The following KIF26A variants were observed in gnomAD, a reference collection of about 807,000 sequenced individuals.
KIF26A encodes the protein kinesin-like protein KIF26A.
A neutral mutation model predicts 126.0 loss-of-function variants in KIF26A; 74 were observed. That is an observed-to-expected ratio of 0.59 (90% confidence interval 0.49 to 0.71). The LOEUF (loss-of-function observed/expected upper bound fraction) is 0.71. Among genes scored for constraint, KIF26A ranks in the 30% least tolerant of loss-of-function variants. The pLI is 0.00. For missense variants in KIF26A, 2,984 were observed against 2,763.3 expected (o/e 1.08, Z -1.79); for synonymous variants, 1,445 against 1,232.7 (o/e 1.17, Z -3.61).
intron 5 of KIF26A, 122 bp from the exon 6 acceptor site, chr14:104,171,601 G>T: frequency 1.3e-6 from 1 of 775,486 alleles, no homozygotes; most frequent in Non-Finnish European, 2.1e-6. Context: ...ACATTCCTGC[G>T]GTGGGGGTGC....
intron 4 of KIF26A, among the ~76,000 whole-genome samples, chr14:104,164,642 G>A (rs1216535089): frequency 6.6e-6 from 1 of 152,164 alleles, no homozygotes. Flanking sequence ...GCTCAGAGGC[G>A]CGGCGGGCCT....
chr14:104,145,531 G>A (rs1055148466), intron 2 of KIF26A, among the ~76,000 whole-genome samples: 1 of 152,224 alleles, frequency 6.6e-6, no homozygotes, highest in African/African-American at 2.4e-5. Context: ...CATTGGACCT[G>A]GGATGGTCGT....
At chr14:104,167,602 G>A in intron 5 of KIF26A, among the ~76,000 whole-genome samples, 1 of 152,190 alleles carries the variant, frequency 6.6e-6, no homozygotes. Context: ...TCTGAGCCTG[G>A]GGCCTGTGGC....
At chr14:104,165,926 C>T (rs921208647) in intron 4 of KIF26A, among the ~76,000 whole-genome samples, 1 of 152,054 alleles carries the variant, frequency 6.6e-6, no homozygotes, top group African/African-American at 2.4e-5. Flanking sequence ...ATGCACTGGC[C>T]TCCCCTGGAG....
rs913545437 is a variant in KIF26A at position 104,151,691 on chromosome 14, C to T, written c.289-324C>T. 3.9e-5 allele frequency among the ~76,000 whole-genome samples: 6 copies of T among 152,236 alleles called. No individual in the cohort carries two copies. Among genetic ancestry groups the T allele is most frequent in the African/African-American group, 1.4e-4 (6 of 41,464 alleles). On this transcript the variant is annotated intron_variant, in intron 2 of 14. Transcript: ENST00000423312. This position sits in a 1 kb window ranked among gnomAD's most constrained non-coding sequence, Gnocchi z 4.9. ...TTCTTGCCAGTCTCCTGCGTGTCCC[C>T]GGCCAGGCGGCCTTAGCTGACAGTG...
At chr14:104,140,888 C>T (rs977666814) in intron 2 of KIF26A, among the ~76,000 whole-genome samples, 2 of 152,188 alleles carry the variant, frequency 1.3e-5, no homozygotes, top group Non-Finnish European at 2.9e-5. Context: ...GGGCTTTGTT[C>T]TGCTCTGGGC....
At chr14:104,153,991 A>G (rs1000386445) in intron 3 of KIF26A, among the ~76,000 whole-genome samples, 12 of 152,326 alleles carry the variant, frequency 7.9e-5, no homozygotes, top group Middle Eastern at 3.4e-3. Flanking sequence ...GAATGGATTT[A>G]TAATTAGACA....
intron 2 of KIF26A, among the ~76,000 whole-genome samples, chr14:104,150,118 C>T (rs56685852): frequency 0.077 from 11,098 of 143,852 alleles, 541 homozygotes; most frequent in East Asian, 0.1. Flanking sequence ...GGCCCTCCCC[C>T]TCCTGGTCCC....
intron 5 of KIF26A, 25 bp from the exon 6 acceptor site, chr14:104,171,698 C>T (rs779256682): frequency 3.0e-5 from 46 of 1,534,724 alleles, no homozygotes; most frequent in East Asian, 4.9e-5. Flanking sequence ...GGCAGCTTCT[C>T]AGGTGCCGCC....
chr14:104,161,836 T>C (rs546094603), intron 4 of KIF26A, among the ~76,000 whole-genome samples: 1 of 152,284 alleles, frequency 6.6e-6, no homozygotes, highest in Non-Finnish European at 1.5e-5. Flanking sequence ...GGGGGCTGTT[T>C]ATGCAGGTGA....
At position 104,171,750 on chromosome 14, in the gene KIF26A, G is replaced by C; in HGVS notation, c.1141G>C (p.Ala381Pro). 6.3e-7 allele frequency: 1 copy of C among 1,578,770 alleles called. No individual in the cohort carries two copies. Among genetic ancestry groups the C allele is most frequent in the Non-Finnish European group, 8.6e-7 (1 of 1,163,670 alleles). The stretch of plus-strand genomic sequence containing the variant: ...GAAGGTTATGCTGCGGATCTGGCCC[G>C]CACAGGGGGCCCAGCGCTCGGCCGA... ...KVKVMLRIWP[A>P]QGAQRSAEAM... Residue 381 changes from alanine (A) to proline (P), a missense_variant, in exon 6 of 15, where the codon GCA (alanine) becomes CCA (proline). Transcript: ENST00000423312.
Position 104,151,831 on chromosome 14 carries a change from C to T in KIF26A, c.289-184C>T, listed in dbSNP as rs145341957. 8.5e-4 allele frequency among the ~76,000 whole-genome samples: 130 copies of T among 152,310 alleles called. No homozygotes were observed. The highest frequency in any genetic ancestry group is 3.0e-3 in the African/African-American group (123 of 41,554). On this transcript the variant is annotated intron_variant, in intron 2 of 14. Transcript: ENST00000423312. This position sits in a 1 kb window ranked among gnomAD's most constrained non-coding sequence, Gnocchi z 4.9. ...ACATTGTGAGCCTCACGATGAAGCC[C>T]GATCATTATTTTCCTGCTGGGCTTG...
chr14:104,145,539 C>G lies in KIF26A; in HGVS notation c.288+6251C>G, dbSNP rs896441257. On this transcript the variant is annotated intron_variant, in intron 2 of 14. Coordinates refer to ENST00000423312, the MANE Select transcript of KIF26A (RefSeq NM_015656.2). ...CGCGCTGCATTGGACCTGGGATGGT[C>G]GTGCTTGCGTCCCTCCTGCGCTGGC... 2.6e-5 allele frequency among the ~76,000 whole-genome samples: 4 copies of G among 152,346 alleles called. No homozygotes were observed. In the South Asian group the frequency reaches 6.2e-4, roughly 24 times the overall value.
chr14:104,178,022 G>T (rs2038054515), intron 12 of KIF26A, 124 bp downstream of exon 12: 1 of 1,121,886 alleles, frequency 8.9e-7, no homozygotes, highest in Non-Finnish European at 1.2e-6. Context: ...CAAGGTCCCA[G>T]ACCCACACAG....
chr14:104,178,661 C>A lies in KIF26A; in HGVS notation c.5222C>A (p.Ser1741Tyr). Residue 1741 changes from serine (S) to tyrosine (Y), a missense_variant, in exon 13 of 15, where the codon TCC becomes TAC. By Grantham distance (144) the Ser-to-Tyr change is moderately radical (BLOSUM62 -2). Coordinates refer to ENST00000423312, the MANE Select transcript of KIF26A (RefSeq NM_015656.2). ...GACCTGCCCCCGCCCCTGGCTGGCT[C>A]CCTGAAGGAGCCGTTCGAGATCAAG... ...WVDLPPPLAG[S>Y]LKEPFEIKVY... The A allele has an allele frequency of 6.4e-7, 1 of 1,557,784 alleles. No individual in the cohort carries two copies. Among genetic ancestry groups the A allele is most frequent in the Non-Finnish European group, 8.7e-7 (1 of 1,151,632 alleles).
Position 104,175,932 on chromosome 14 carries a change from TG to T in KIF26A, c.3147del (p.Arg1050GlyfsTer198). 1 of 1,556,164 alleles carries T rather than the reference TG, an allele frequency of 6.4e-7. No individual in the cohort carries two copies. Among genetic ancestry groups the T allele is most frequent in the Non-Finnish European group, 8.6e-7 (1 of 1,156,712 alleles). ...ELSLGALAGA[G>X]RPTSLASFDS... ...TGTCCCTGGGGGCGCTTGCCGGAGC[TG>T]GGCGGCCCACCAGCCTGGCTAGCTT... On this transcript the variant is annotated frameshift_variant, in exon 12 of 15. Transcript: ENST00000423312. LOFTEE classifies it high-confidence loss of function.
In KIF26A at chr14:104,176,758, G is replaced by T; in HGVS notation, c.3970G>T (p.Asp1324Tyr). 1 of 1,585,390 alleles carries T rather than the reference G, an allele frequency of 6.3e-7. No individual in the cohort carries two copies. The change falls in exon 12 of 15, where the codon GAT becomes TAT. Residue 1324 changes from aspartate (D) to tyrosine (Y), a missense_variant. By Grantham distance (160) the Asp-to-Tyr change is radical. Coordinates refer to ENST00000423312, the MANE Select transcript of KIF26A (RefSeq NM_015656.2). ...GVTTPAVSWGDAPTEVVACSG... is the reference protein window; with the variant it reads ...GVTTPAVSWGYAPTEVVACSG... ...GACAACGCCAGCTGTGTCCTGGGGAGATGCTCCCACGGAGGTGGTGGCCTG... is the reference window on the plus strand; with the variant it reads ...GACAACGCCAGCTGTGTCCTGGGGATATGCTCCCACGGAGGTGGTGGCCTG...
At position 104,148,964 on chromosome 14, in the gene KIF26A, G is replaced by A. The variant is rs2037703876; in HGVS notation, c.289-3051G>A. 6.6e-6 allele frequency among the ~76,000 whole-genome samples: 1 copy of A among 152,182 alleles called. No individual in the cohort carries two copies. Among genetic ancestry groups the A allele is most frequent in the African/African-American group, 2.4e-5 (1 of 41,442 alleles). On this transcript the variant is annotated intron_variant, in intron 2 of 14. Coordinates refer to ENST00000423312, the MANE Select transcript of KIF26A (RefSeq NM_015656.2). The surrounding 1 kb of genome is among the most constrained non-coding windows in gnomAD (Gnocchi z 4.3). Reference sequence around the variant, plus strand: ...CTGGTCCTGCAAATAGGAGGTCTCGGGTCCTCTGGGCTGGGCTGTGTGGCT... The same window carrying A: ...CTGGTCCTGCAAATAGGAGGTCTCGAGTCCTCTGGGCTGGGCTGTGTGGCT...
At chr14:104,159,804 C>T (rs2037816796) in intron 4 of KIF26A, among the ~76,000 whole-genome samples, 1 of 152,016 alleles carries the variant, frequency 6.6e-6, no homozygotes, top group Admixed American at 6.5e-5. Flanking sequence ...TCGGTGGATG[C>T]CTGACGTGGG....
Sources: gnomAD v4.1 joint callset for allele counts (sites outside exome capture counted in the v4.1 genomes callset) on GRCh38, gnomAD v4.1.1 for gene constraint, Gnocchi (gnomAD v3.1) non-coding constraint, MANE v1.5 for transcripts, NCBI Gene and HGNC (gene_info 2026-07-23, HGNC 2026-07-21) for gene names.